The following RPEL1 variants were observed in gnomAD, a reference collection of about 807,000 sequenced individuals.
RPEL1 encodes the protein ribulose-phosphate 3-epimerase-like protein 1.
RPEL1 carries 7 observed loss-of-function variants against 12.8 expected under a neutral mutation model. The observed-to-expected ratio is 0.55, with a 90% CI of 0.31 to 1.03. The LOEUF is 1.03. Among genes scored for constraint, RPEL1 ranks in the 50% least tolerant of loss-of-function variants. The pLI, the probability that RPEL1 is intolerant of heterozygous loss-of-function variation, is 0.05. For missense variants in RPEL1, 237 were observed against 289.4 expected (o/e 0.82, Z 1.31); for synonymous variants, 91 against 102.0 (o/e 0.89, Z 0.65).
At position 103,247,086 on chromosome 10, in the gene RPEL1, A is replaced by G. The variant is rs1564707708; in HGVS notation, c.*403A>G. The G allele has an allele frequency of 4.8e-6, 1 of 207,498 alleles. No homozygotes were observed. Among genetic ancestry groups the G allele is most frequent in the East Asian group, 1.4e-4 (1 of 7,086 alleles). The allele number at this position is 207,498 out of a possible 1,614,324, so 12.9% of individuals were successfully genotyped here. The stretch of plus-strand genomic sequence containing the variant: ...TCAGCTGTTTTCCAAAAGCAAAGGA[A>G]GTCTTTATGGCTTTTTTCTATTTCA... On this transcript the variant is annotated 3_prime_UTR_variant, in exon 1 of 1. Coordinates refer to ENST00000441178, the MANE Select transcript of RPEL1 (RefSeq NM_001143909.1).
chr10:103,246,020 C>T lies in RPEL1; in HGVS notation c.24C>T (p.Gly8=), dbSNP rs1183500527. Residue 8 remains glycine (G), a synonymous_variant, in exon 1 of 1, where the codon GGC becomes GGT. Coordinates refer to ENST00000441178, the MANE Select transcript of RPEL1 (RefSeq NM_001143909.1). ...GTATGGCGTCGGGCTGCAAGATTGG[C>T]CCGTCCATCCTCAACAGCGACCTGG... MASGCKI[G]PSILNSDLAN... The T allele has an allele frequency of 6.2e-7, 1 of 1,613,942 alleles. No homozygotes were observed.
rs763642141 is a variant in RPEL1, at chr10:103,246,577, C to G, written c.581C>G (p.Thr194Ser). 1.2e-6 allele frequency: 2 copies of G among 1,614,038 alleles called. No individual in the cohort carries two copies. Among genetic ancestry groups the G allele is most frequent in the African/African-American group, 2.7e-5 (2 of 74,916 alleles). Residue 194 changes from threonine (T) to serine (S), a missense_variant, in exon 1 of 1, where the codon ACT becomes AGT. Thr to Ser is a moderately conservative substitution (Grantham distance 58, BLOSUM62 1). Transcript: ENST00000441178. The part of the protein sequence containing the change: ...HKCAEAGANM[T>S]VSGSAIMRSE... ...TGTGCAGAGGCAGGAGCTAACATGA[C>G]TGTATCTGGCAGTGCTATTATGAGG...
rs991063181 is a variant in RPEL1, at chr10:103,247,765, G to C, written c.*1082G>C. ...CAGTTTCCAGAGCACGAGCTGAAGGGATTGACGGGCTCCTCAAAGGCTATA... is the reference window on the plus strand; with the variant it reads ...CAGTTTCCAGAGCACGAGCTGAAGGCATTGACGGGCTCCTCAAAGGCTATA... On this transcript the variant is annotated 3_prime_UTR_variant, in exon 1 of 1. Coordinates refer to ENST00000441178, the MANE Select transcript of RPEL1 (RefSeq NM_001143909.1). The C allele has an allele frequency of 1.8e-5, 3 of 166,590 alleles. No individual in the cohort carries two copies. The highest frequency in any genetic ancestry group is 7.3e-5 in the African/African-American group (3 of 41,306). The allele number at this position is 166,590 out of a possible 1,614,324, so 10.3% of individuals were successfully genotyped here.
chr10:103,246,839 G>A lies in RPEL1; in HGVS notation c.*156G>A. The A allele has an allele frequency of 9.8e-7, 1 of 1,016,598 alleles. No homozygotes were observed. The highest frequency in any genetic ancestry group is 2.8e-5 in the Admixed American group (1 of 35,422). 63.0% of individuals were successfully genotyped at this position (1,016,598 alleles called of 1,614,324 possible). ...AAACTGATTGTGCAGAATATTCTAA[G>A]AGGTCAGAAATTGGTGTGTATAACT... On this transcript the variant is annotated 3_prime_UTR_variant, in exon 1 of 1. Transcript: ENST00000441178.
chr10:103,246,210 A>G lies in RPEL1; in HGVS notation c.214A>G (p.Met72Val), dbSNP rs1274321565. 6.2e-7 allele frequency: 1 copy of G among 1,614,100 alleles called. No homozygotes were observed. Among genetic ancestry groups the G allele is most frequent in the Admixed American group, 1.7e-5 (1 of 60,008 alleles). Residue 72 changes from methionine (M) to valine (V), a missense_variant, in exon 1 of 1, where the codon ATG becomes GTG. Coordinates refer to ENST00000441178, the MANE Select transcript of RPEL1 (RefSeq NM_001143909.1). ...GQDPFFDMHM[M>V]VSKPEQWVKP... ...GGACCCTTTCTTTGACATGCACATG[A>G]TGGTGTCCAAGCCAGAACAGTGGGT...
rs754817072 is a variant in RPEL1 at position 103,246,688 on chromosome 10, A to C, written c.*5A>C. The C allele has an allele frequency of 2.2e-5, 36 of 1,609,098 alleles. No individual in the cohort carries two copies. Among genetic ancestry groups the C allele is most frequent in the South Asian group, 1.1e-5 (1 of 90,406 alleles). ...AAACGTTCTCTTGATCGATGAAACC[A>C]TAAGGAGCCCAATGTTTCTGTTCAT... On this transcript the variant is annotated 3_prime_UTR_variant, in exon 1 of 1. Coordinates refer to ENST00000441178, the MANE Select transcript of RPEL1 (RefSeq NM_001143909.1).
In RPEL1 at chr10:103,246,578, T is replaced by C. The variant is rs1268499536; in HGVS notation, c.582T>C (p.Thr194=). ...HKCAEAGANM[T]VSGSAIMRSE... ...GTGCAGAGGCAGGAGCTAACATGAC[T>C]GTATCTGGCAGTGCTATTATGAGGA... Residue 194 remains threonine, a synonymous_variant, in exon 1 of 1, where the codon ACT becomes ACC. Coordinates refer to ENST00000441178, the MANE Select transcript of RPEL1 (RefSeq NM_001143909.1). 3.1e-6 allele frequency: 5 copies of C among 1,614,232 alleles called. No homozygotes were observed. In the South Asian group the frequency reaches 5.5e-5, roughly 18 times the overall value.
chr10:103,246,047 C>T lies in RPEL1; in HGVS notation c.51C>T (p.Ala17=). ...CGTCCATCCTCAACAGCGACCTGGCCAATTTAGGGGCCAAGTGCCTCCAGA... is the reference window on the plus strand; with the variant it reads ...CGTCCATCCTCAACAGCGACCTGGCTAATTTAGGGGCCAAGTGCCTCCAGA... ...IGPSILNSDL[A]NLGAKCLQML... The change falls in exon 1 of 1, where the codon GCC becomes GCT. Residue 17 remains alanine, a synonymous_variant. Transcript: ENST00000441178. The T allele has an allele frequency of 6.2e-7, 1 of 1,614,158 alleles. No individual in the cohort carries two copies. The highest frequency in any genetic ancestry group is 8.5e-7 in the Non-Finnish European group (1 of 1,180,048).
rs1387686762 is a variant in RPEL1 at position 103,246,279 on chromosome 10, C to G, written c.283C>G (p.Leu95Val). The G allele has an allele frequency of 1.2e-6, 2 of 1,614,230 alleles. No homozygotes were observed. Among genetic ancestry groups the G allele is most frequent in the South Asian group, 2.2e-5 (2 of 91,088 alleles). Reference sequence around the variant, plus strand: ...AGAAGCCAATCAGTACACCTTTCATCTCGAGGCTACTGAGAACCCAGGGAC... The same window carrying G: ...AGAAGCCAATCAGTACACCTTTCATGTCGAGGCTACTGAGAACCCAGGGAC... ...VAEANQYTFH[L>V]EATENPGTLI... is the part of the protein sequence containing the mutation. Residue 95 changes from leucine to valine, a missense_variant, in exon 1 of 1, where the codon CTC becomes GTC. Coordinates refer to ENST00000441178, the MANE Select transcript of RPEL1 (RefSeq NM_001143909.1).
rs548344052 is a variant in RPEL1 at position 103,246,590 on chromosome 10, T to C, written c.594T>C (p.Ser198=). The change falls in exon 1 of 1, where the codon AGT becomes AGC. Residue 198 remains serine (S), a synonymous_variant. Coordinates refer to ENST00000441178, the MANE Select transcript of RPEL1 (RefSeq NM_001143909.1). ...GAGCTAACATGACTGTATCTGGCAG[T>C]GCTATTATGAGGAGTGAAGACCCCA... is the stretch of plus-strand genomic sequence containing the variant. The part of the protein sequence containing the change: ...EAGANMTVSG[S]AIMRSEDPRS... 224 of 1,614,048 alleles carry C rather than the reference T, an allele frequency of 1.4e-4. No homozygotes were observed. Among genetic ancestry groups the C allele is most frequent in the Non-Finnish European group, 1.7e-4 (206 of 1,180,030 alleles).
chr10:103,247,518 A>G lies in RPEL1; in HGVS notation c.*835A>G, dbSNP rs747865115. 2 of 167,046 alleles carry G rather than the reference A, an allele frequency of 1.2e-5. No homozygotes were observed. Among genetic ancestry groups the G allele is most frequent in the African/African-American group, 2.4e-5 (1 of 41,452 alleles). The allele number at this position is 167,046 out of a possible 1,614,324, so 10.3% of individuals were successfully genotyped here. A position where few individuals can be genotyped will look rare whatever the true frequency, so the allele number is the denominator to read the frequency against. On this transcript the variant is annotated 3_prime_UTR_variant, in exon 1 of 1. Coordinates refer to ENST00000441178, the MANE Select transcript of RPEL1 (RefSeq NM_001143909.1). Reference sequence around the variant, plus strand: ...TAACAACTGTGGGGTTGTGTTGAGAATTAAGAGGTAACACTATATATGTAA... The same window carrying G: ...TAACAACTGTGGGGTTGTGTTGAGAGTTAAGAGGTAACACTATATATGTAA...
In RPEL1 at chr10:103,246,023, G is replaced by A. The variant is rs373904291; in HGVS notation, c.27G>A (p.Pro9=). 64 of 1,613,840 alleles carry A rather than the reference G, an allele frequency of 4.0e-5. No individual in the cohort carries two copies. In the African/African-American group the frequency reaches 4.1e-4, roughly 10 times the overall value. The change falls in exon 1 of 1, where the codon CCG becomes CCA. Residue 9 remains proline, a synonymous_variant. Coordinates refer to ENST00000441178, the MANE Select transcript of RPEL1 (RefSeq NM_001143909.1). MASGCKIG[P]SILNSDLANL... ...TGGCGTCGGGCTGCAAGATTGGCCCGTCCATCCTCAACAGCGACCTGGCCA... is the reference window on the plus strand; with the variant it reads ...TGGCGTCGGGCTGCAAGATTGGCCCATCCATCCTCAACAGCGACCTGGCCA...
rs1235188593 is a variant in RPEL1, at chr10:103,245,922, G to GT, written c.-71dup. 222 of 1,461,472 alleles carry GT rather than the reference G, an allele frequency of 1.5e-4. No homozygotes were observed. Among genetic ancestry groups the GT allele is most frequent in the East Asian group, 2.7e-4 (11 of 41,274 alleles). The allele number at this position is 1,461,472 out of a possible 1,614,324, so 90.5% of individuals were successfully genotyped here. ...TGTGGTTCTTTGGTAGAATTTCCTG[G>GT]TTTTAAAAAAAAAAAAAGTGGGCTC... On this transcript the variant is annotated 5_prime_UTR_variant, in exon 1 of 1. Coordinates refer to ENST00000441178, the MANE Select transcript of RPEL1 (RefSeq NM_001143909.1).
Position 103,247,788 on chromosome 10 carries a change from A to C in RPEL1, c.*1105A>C, listed in dbSNP as rs182419281. ...GGGATTGACGGGCTCCTCAAAGGCT[A>C]TACACTTTTCATGGCCTTGTCTCTT... On this transcript the variant is annotated 3_prime_UTR_variant, in exon 1 of 1. Transcript: ENST00000441178. The C allele has an allele frequency of 6.0e-6, 1 of 166,740 alleles. No homozygotes were observed. The highest frequency in any genetic ancestry group is 1.5e-5 in the Non-Finnish European group (1 of 68,100). 10.3% of individuals were successfully genotyped at this position (166,740 alleles called of 1,614,324 possible).
rs975759096 is a variant in RPEL1, at chr10:103,247,824, T to G, written c.*1141T>G. The G allele has an allele frequency of 6.0e-6, 1 of 166,934 alleles. No homozygotes were observed. Among genetic ancestry groups the G allele is most frequent in the Non-Finnish European group, 1.5e-5 (1 of 68,116 alleles). 10.3% of individuals were successfully genotyped at this position (166,934 alleles called of 1,614,324 possible). A position where few individuals can be genotyped will look rare whatever the true frequency, so the allele number is the denominator to read the frequency against. On this transcript the variant is annotated 3_prime_UTR_variant, in exon 1 of 1. Transcript: ENST00000441178. ...ATGGCCTTGTCTCTTCCAGGTACAG[T>G]GCTGGCTACTTTTACATATATGTTG...
In RPEL1 at chr10:103,246,819, G is replaced by A; in HGVS notation, c.*136G>A. ...GTTATTCATTCCAGTGATTAAAACT[G>A]ATTGTGCAGAATATTCTAAGAGGTC... is the stretch of plus-strand genomic sequence containing the variant. On this transcript the variant is annotated 3_prime_UTR_variant, in exon 1 of 1. Transcript: ENST00000441178. 1 of 1,162,264 alleles carries A rather than the reference G, an allele frequency of 8.6e-7. No homozygotes were observed. The highest frequency in any genetic ancestry group is 1.2e-6 in the Non-Finnish European group (1 of 831,114). 72.0% of individuals were successfully genotyped at this position (1,162,264 alleles called of 1,614,324 possible).
chr10:103,247,503 G>C lies in RPEL1; in HGVS notation c.*820G>C, dbSNP rs1564707792. The C allele has an allele frequency of 6.0e-6, 1 of 166,932 alleles. No individual in the cohort carries two copies. The highest frequency in any genetic ancestry group is 1.5e-5 in the Non-Finnish European group (1 of 68,120). The allele number at this position is 166,932 out of a possible 1,614,324, so 10.3% of individuals were successfully genotyped here. On this transcript the variant is annotated 3_prime_UTR_variant, in exon 1 of 1. Transcript: ENST00000441178. ...CATTAAATGTAATTATAACAACTGT[G>C]GGGTTGTGTTGAGAATTAAGAGGTA... is the stretch of plus-strand genomic sequence containing the variant.
Position 103,246,630 on chromosome 10 carries a change from C to T in RPEL1, c.634C>T (p.Leu212=). The T allele has an allele frequency of 6.2e-7, 1 of 1,614,090 alleles. No homozygotes were observed. Among genetic ancestry groups the T allele is most frequent in the Non-Finnish European group, 8.5e-7 (1 of 1,179,996 alleles). ...RSEDPRSVIN[L]LRNICSEAAQ... ...TGAAGACCCCAGATCTGTGATCAAC[C>T]TATTAAGAAATATTTGCTCAGAAGC... is the stretch of plus-strand genomic sequence containing the variant. Residue 212 remains leucine (L), a synonymous_variant, in exon 1 of 1, where the codon CTA becomes TTA. Transcript: ENST00000441178.
chr10:103,245,914 A>G lies in RPEL1; in HGVS notation c.-83A>G. 7.1e-5 allele frequency: 97 copies of G among 1,357,448 alleles called. No homozygotes were observed. The highest frequency in any genetic ancestry group is 2.7e-4 in the Middle Eastern group (1 of 3,748). The allele number at this position is 1,357,448 out of a possible 1,614,324, so 84.1% of individuals were successfully genotyped here. ...GGCCAAACTGTGGTTCTTTGGTAGA[A>G]TTTCCTGGTTTTAAAAAAAAAAAAA... On this transcript the variant is annotated 5_prime_UTR_variant, in exon 1 of 1. Transcript: ENST00000441178.
Sources: gnomAD v4.1 joint callset for allele counts on GRCh38, gnomAD v4.1.1 for gene constraint, MANE v1.5 for transcripts, NCBI Gene and HGNC (gene_info 2026-07-23, HGNC 2026-07-21) for gene names.